MAST4: variants seen among roughly 807,000 people sequenced by gnomAD.
The protein encoded by MAST4 is microtubule-associated serine/threonine-protein kinase 4.
MAST4 carries 89 observed loss-of-function variants against 162.7 expected under a neutral mutation model. The ratio of observed to expected loss-of-function variants is 0.55; its 90% CI spans 0.46 to 0.65. The LOEUF is 0.65. Ranked by LOEUF, MAST4 falls within the 30% of genes least tolerant of loss-of-function variation. The pLI, the probability that MAST4 is intolerant of heterozygous loss-of-function variation, is 0.00. For synonymous variants in MAST4, 1,479 were observed against 1,361.1 expected, an observed-to-expected ratio of 1.09 and a Z score of -1.91; for missense variants, 3,153 against 3,374.0, an observed-to-expected ratio of 0.93 and a Z score of 1.62.
rs192005725 is a variant in MAST4 at position 66,834,994 on chromosome 5, C to T, written c.642+46200C>T. On this transcript the variant is annotated intron_variant, in intron 3 of 28. Transcript: ENST00000403625. ...CCTCTTACCATTTATCTCCTGGATT[C>T]CCAGGGGTCTGCCCTACAGCAGGTG... Among the ~76,000 whole-genome samples, 5 of 152,236 alleles carry T rather than the reference C, an allele frequency of 3.3e-5. No homozygotes were observed. The East Asian group carries it at 7.7e-4, about 24-fold the overall frequency.
intron 4 of MAST4, among the ~76,000 whole-genome samples, chr5:66,940,488 A>G (rs916848635): frequency 6.6e-6 from 1 of 152,134 alleles, no homozygotes; most frequent in Non-Finnish European, 1.5e-5. Context: ...TTTTATTTCA[A>G]CGTTGTTCAT....
At chr5:66,926,050 C>T (rs1359469435) in intron 4 of MAST4, among the ~76,000 whole-genome samples, 1 of 151,818 alleles carries the variant, frequency 6.6e-6, no homozygotes, top group African/African-American at 2.4e-5. Context: ...ATTTAATTCT[C>T]ATCCATTTGG....
chr5:66,693,517 C>G (rs1749184940), intron 1 of MAST4, among the ~76,000 whole-genome samples: 1 of 152,046 alleles, frequency 6.6e-6, no homozygotes, highest in South Asian at 2.1e-4. Context: ...ATGCATTTGC[C>G]ACAATTCGCT....
rs375640642 is a variant in MAST4, at chr5:67,142,396, C to T, written c.2618-25C>T. Reference sequence around the variant, plus strand: ...AATGTTGAAAATCTGAGTAATTGGACCTGTTCCCAAACATTTCACTGCAGC... The same window carrying T: ...AATGTTGAAAATCTGAGTAATTGGATCTGTTCCCAAACATTTCACTGCAGC... On this transcript the variant is annotated intron_variant, in intron 20 of 28. Transcript: ENST00000403625. The T allele has an allele frequency of 4.5e-6, 7 of 1,546,708 alleles. No homozygotes were observed. The African/African-American group carries it at 9.6e-5, about 21-fold the overall frequency.
intron 3 of MAST4, among the ~76,000 whole-genome samples, chr5:66,797,020 T>A (rs1239380294): frequency 6.6e-6 from 1 of 152,222 alleles, no homozygotes; most frequent in African/African-American, 2.4e-5. Flanking sequence ...TTTCCGTGTC[T>A]GAGGAAATGA....
chr5:66,680,517 G>A (rs190004335), intron 1 of MAST4, among the ~76,000 whole-genome samples: 7 of 152,104 alleles, frequency 4.6e-5, no homozygotes, highest in African/African-American at 1.4e-4. Context: ...GAAGGCTGGC[G>A]CTAACCACAG....
chr5:67,035,098 T>C (rs1407302183), intron 4 of MAST4, among the ~76,000 whole-genome samples: 1 of 152,156 alleles, frequency 6.6e-6, no homozygotes, highest in Non-Finnish European at 1.5e-5. Flanking sequence ...AAGGAGTCCT[T>C]TTTCTTTTGG....
intron 3 of MAST4, among the ~76,000 whole-genome samples, chr5:66,803,335 G>A (rs999701023): frequency 6.6e-6 from 1 of 152,076 alleles, no homozygotes; most frequent in Non-Finnish European, 1.5e-5. Flanking sequence ...GTTCCCTCAT[G>A]CCATGGTTGT....
chr5:67,150,496 C>T (rs186284470), intron 24 of MAST4, among the ~76,000 whole-genome samples: 1 of 152,296 alleles, frequency 6.6e-6, no homozygotes, highest in East Asian at 1.9e-4. Flanking sequence ...TCCTGTTTAG[C>T]ACCATAAAAC....
At chr5:66,943,244 G>C (rs886365024) in intron 4 of MAST4, among the ~76,000 whole-genome samples, 2 of 152,112 alleles carry the variant, frequency 1.3e-5, no homozygotes, top group African/African-American at 4.8e-5. Flanking sequence ...AAATGAGGTT[G>C]ATAATAGTAT....
At chr5:66,718,144 T>C (rs1750961235) in intron 1 of MAST4, among the ~76,000 whole-genome samples, 1 of 151,942 alleles carries the variant, frequency 6.6e-6, no homozygotes, top group South Asian at 2.1e-4. Flanking sequence ...AGACAGACTA[T>C]ATATATTTAA....
intron 2 of MAST4, among the ~76,000 whole-genome samples, chr5:66,770,072 G>A (rs535031826): frequency 6.6e-6 from 1 of 152,220 alleles, no homozygotes; most frequent in Non-Finnish European, 1.5e-5. Context: ...TAGTTCATCA[G>A]TAATAGCTTA....
intron 1 of MAST4, among the ~76,000 whole-genome samples, chr5:66,687,815 G>C (rs6884985): frequency 0.026 from 3,990 of 152,116 alleles, 182 homozygotes; most frequent in African/African-American, 0.092. Context: ...CTTTTCTTTT[G>C]AGTAAATACT....
chr5:67,099,795 T>G (rs56347210), intron 7 of MAST4, among the ~76,000 whole-genome samples: 1 of 151,810 alleles, frequency 6.6e-6, no homozygotes, highest in Non-Finnish European at 1.5e-5. Flanking sequence ...GAACAAAAAA[T>G]TCACCACCAC....
Position 66,634,581 on chromosome 5 carries a change from G to A in MAST4, c.363+37563G>A, listed in dbSNP as rs116262116. On this transcript the variant is annotated intron_variant, in intron 1 of 28. Coordinates refer to ENST00000403625, the MANE Select transcript of MAST4 (RefSeq NM_001164664.2). ...CTTTTTCCTGCTGATTTCTTCCCTC[G>A]TAGAAAAAAATGCCCCCCTTTTTGG... Among the ~76,000 whole-genome samples, 853 of 151,932 alleles carry A rather than the reference G, an allele frequency of 5.6e-3. 8 individuals are homozygous for A. The highest frequency in any genetic ancestry group is 0.02 in the African/African-American group (808 of 41,418).
rs75823879 is a variant in MAST4, at chr5:66,736,573, T to G, written c.364-23136T>G. ...GTGTCAGGGAAAGTGATTCCTACTATGGCTATTTTACTAAGTTCTTTAAGT... is the reference window on the plus strand; with the variant it reads ...GTGTCAGGGAAAGTGATTCCTACTAGGGCTATTTTACTAAGTTCTTTAAGT... On this transcript the variant is annotated intron_variant, in intron 1 of 28. Transcript: ENST00000403625. 7.8e-3 allele frequency among the ~76,000 whole-genome samples: 1,186 copies of G among 152,328 alleles called. 20 individuals carry two copies. Among genetic ancestry groups the G allele is most frequent in the African/African-American group, 0.026 (1,091 of 41,586 alleles).
chr5:66,967,929 G>A (rs568185787), intron 4 of MAST4, among the ~76,000 whole-genome samples: 1 of 152,132 alleles, frequency 6.6e-6, no homozygotes, highest in East Asian at 1.9e-4. Flanking sequence ...TTAATAAATT[G>A]GCTACCACTT....
chr5:66,804,137 T>C (rs1756060958), intron 3 of MAST4, among the ~76,000 whole-genome samples: 1 of 152,236 alleles, frequency 6.6e-6, no homozygotes, highest in Non-Finnish European at 1.5e-5. Flanking sequence ...ATAATTTGCT[T>C]AGGATTTTTC....
intron 14 of MAST4, 24 bp from the exon 15 acceptor site, chr5:67,130,186 C>G: frequency 6.3e-7 from 1 of 1,595,854 alleles, no homozygotes; most frequent in East Asian, 2.3e-5. Context: ...TCCTGTCAAC[C>G]CCAATACTTC....
Sources: gnomAD v4.1 joint callset for allele counts (sites outside exome capture counted in the v4.1 genomes callset) on GRCh38, gnomAD v4.1.1 for gene constraint, MANE v1.5 for transcripts, NCBI Gene and HGNC (gene_info 2026-07-23, HGNC 2026-07-21) for gene names.